Variants in OLA1 observed in about 807,000 individuals in gnomAD.
OLA1 encodes the protein obg-like ATPase 1.
Under a neutral mutation model 48.4 loss-of-function variants are expected in OLA1, and 14 were observed. The observed-to-expected ratio is 0.29, with a 90% confidence interval of 0.19 to 0.45. The LOEUF is 0.45. Ranked by LOEUF, OLA1 falls within the 20% of genes least tolerant of loss-of-function variation. OLA1 has a pLI of 1.00. For synonymous variants in OLA1, 127 were observed against 150.4 expected, an observed-to-expected ratio of 0.84 and a Z score of 1.14; for missense variants, 325 against 467.1, an observed-to-expected ratio of 0.70 and a Z score of 2.80.
At chr2:174,139,864 C>CAAAAAAAAAAAAAAAAAAAA (rs1162058790) in intron 5 of OLA1, among the ~76,000 whole-genome samples, 1 of 76,948 alleles carries the variant, frequency 1.3e-5, no homozygotes, top group African/African-American at 5.2e-5. Context: ...GACTCAGTCT[C>CAAAAAAAAAAAAAAAAAAAA]AAAAAAAAAA....
chr2:174,109,266 G>A (rs1160805043), intron 7 of OLA1, among the ~76,000 whole-genome samples: 1 of 151,978 alleles, frequency 6.6e-6, no homozygotes, highest in Non-Finnish European at 1.5e-5. Flanking sequence ...CCAAAATTAT[G>A]AAGCTGACAA....
chr2:174,171,929 C>T (rs1687312968), intron 4 of OLA1: 1 of 152,996 alleles, frequency 6.5e-6, no homozygotes, highest in Non-Finnish European at 1.5e-5. Context: ...GCCAGCCCAC[C>T]ACCACGGGCA....
chr2:174,173,028 A>C (rs931592025), intron 4 of OLA1, among the ~76,000 whole-genome samples: 11 of 152,148 alleles, frequency 7.2e-5, no homozygotes, highest in African/African-American at 2.7e-4. Flanking sequence ...CTGGGGCCTC[A>C]CCAGAAGCAG....
chr2:174,223,230 C>G, intron 3 of OLA1, 70 bp from the exon 4 acceptor site: 10 of 1,385,230 alleles, frequency 7.2e-6, no homozygotes, highest in Non-Finnish European at 1.0e-5. Flanking sequence ...ATGAATTCTC[C>G]AAACATTTCA....
chr2:174,073,806 A>G lies in OLA1; in HGVS notation c.*1620T>C, dbSNP rs966090617. The G allele has an allele frequency of 1.3e-5, 2 of 152,236 alleles. No individual in the cohort carries two copies. Among genetic ancestry groups the G allele is most frequent in the African/African-American group, 4.8e-5 (2 of 41,464 alleles). The allele number at this position is 152,236 out of a possible 1,614,324, so 9.4% of individuals were successfully genotyped here. A position where few individuals can be genotyped will look rare whatever the true frequency, so the allele number is the denominator to read the frequency against. On this transcript the variant is annotated 3_prime_UTR_variant, in exon 11 of 11. Transcript: ENST00000284719. ...CCACTAATCTACACATTACTCCAATACAGAAATAGATATAACAAGGATTTT... is the reference window on the plus strand; with the variant it reads ...CCACTAATCTACACATTACTCCAATGCAGAAATAGATATAACAAGGATTTT...
chr2:174,225,268 C>T (rs904460606), intron 3 of OLA1, among the ~76,000 whole-genome samples: 1 of 152,090 alleles, frequency 6.6e-6, no homozygotes. Flanking sequence ...AAAGCTGCCT[C>T]GTCCGGGTGC....
At chr2:174,138,573 G>C (rs1417311036) in intron 5 of OLA1, among the ~76,000 whole-genome samples, 1 of 152,190 alleles carries the variant, frequency 6.6e-6, no homozygotes, top group African/African-American at 2.4e-5. Flanking sequence ...AGCACATGCT[G>C]TTGGAAAAAT....
In OLA1 at chr2:174,118,993, G is replaced by A. The variant is rs1004319098; in HGVS notation, c.728+4187C>T. Among the ~76,000 whole-genome samples the A allele has an allele frequency of 1.1e-4, 17 of 150,600 alleles. 1 individual carries two copies. The highest frequency in any genetic ancestry group is 2.2e-4 in the Non-Finnish European group (15 of 67,724). ...CTCTCGATAAGAATATGAAATTGTCGAAAGAATATTCAAAACCCATTTAAT... is the reference window on the plus strand; with the variant it reads ...CTCTCGATAAGAATATGAAATTGTCAAAAGAATATTCAAAACCCATTTAAT... On this transcript the variant is annotated intron_variant, in intron 7 of 10. Transcript: ENST00000284719.
intron 7 of OLA1, among the ~76,000 whole-genome samples, chr2:174,087,615 A>G (rs1685013242): frequency 6.6e-6 from 1 of 152,174 alleles, no homozygotes; most frequent in African/African-American, 2.4e-5. Flanking sequence ...ACACATTATA[A>G]AGGGAACAGA....
In OLA1 at chr2:174,135,028, C is replaced by T. The variant is rs1048790131; in HGVS notation, c.549+6797G>A. Among the ~76,000 whole-genome samples the T allele has an allele frequency of 1.9e-4, 29 of 151,962 alleles. No individual in the cohort carries two copies. In the Middle Eastern group the frequency reaches 0.01, roughly 53 times the overall value. On this transcript the variant is annotated intron_variant, in intron 5 of 10. Transcript: ENST00000284719. The stretch of plus-strand genomic sequence containing the variant: ...TACAAAAATTAGCCAGGCATGGTGG[C>T]GGGCGCCTGTAGTCCCAGCTACTCA...
intron 4 of OLA1, among the ~76,000 whole-genome samples, chr2:174,154,082 G>C (rs980340465): frequency 1.3e-5 from 2 of 152,024 alleles, no homozygotes; most frequent in African/African-American, 4.8e-5. Flanking sequence ...TCTCGCCCAG[G>C]CTGATCTTGA....
In OLA1 at chr2:174,119,061, T is replaced by C. The variant is rs565501380; in HGVS notation, c.728+4119A>G. Among the ~76,000 whole-genome samples the C allele has an allele frequency of 5.3e-5, 8 of 150,700 alleles. No homozygotes were observed. In the South Asian group the frequency reaches 1.7e-3, roughly 32 times the overall value. On this transcript the variant is annotated intron_variant, in intron 7 of 10. Coordinates refer to ENST00000284719, the MANE Select transcript of OLA1 (RefSeq NM_013341.5). Reference sequence around the variant, plus strand: ...TCACAAATATTATTACATGTAAAAATATATTCAAATGCAAAAGTACATTTG... The same window carrying C: ...TCACAAATATTATTACATGTAAAAACATATTCAAATGCAAAAGTACATTTG...
chr2:174,129,111 T>C (rs531950493), intron 5 of OLA1, among the ~76,000 whole-genome samples: 1 of 152,010 alleles, frequency 6.6e-6, no homozygotes, highest in Non-Finnish European at 1.5e-5. Flanking sequence ...AACAAGAAAA[T>C]ACATGTAAAA....
chr2:174,204,856 C>T (rs1204610624), intron 4 of OLA1, among the ~76,000 whole-genome samples: 2 of 152,006 alleles, frequency 1.3e-5, no homozygotes, highest in African/African-American at 2.4e-5. Context: ...TTAAATTCTC[C>T]GAGAATCAGT....
At chr2:174,114,341 C>CAAAAAAAAAA (rs76471043) in intron 7 of OLA1, among the ~76,000 whole-genome samples, 19 of 60,646 alleles carry the variant, frequency 3.1e-4, no homozygotes, top group East Asian at 2.3e-3. Context: ...GACTCCGCCT[C>CAAAAAAAAAA]AAAAAAAAAA....
At chr2:174,178,162 TA>T (rs1310475377) in intron 4 of OLA1, among the ~76,000 whole-genome samples, 2 of 152,030 alleles carry the variant, frequency 1.3e-5, no homozygotes, top group Non-Finnish European at 2.9e-5. Context: ...TAAAAAGATA[TA>T]AATAAATGCT....
intron 7 of OLA1, among the ~76,000 whole-genome samples, chr2:174,089,338 C>T (rs984086434): frequency 6.6e-6 from 1 of 152,136 alleles, no homozygotes; most frequent in Non-Finnish European, 1.5e-5. Flanking sequence ...TGAAAATAAA[C>T]GCACATGAAC....
At chr2:174,207,741 T>C (rs1390132811) in intron 4 of OLA1, among the ~76,000 whole-genome samples, 1 of 150,674 alleles carries the variant, frequency 6.6e-6, no homozygotes, top group Admixed American at 6.6e-5. Flanking sequence ...TAGACTCTTT[T>C]AAGGAAAATA....
intron 4 of OLA1, among the ~76,000 whole-genome samples, chr2:174,151,503 C>G (rs1164705135): frequency 6.6e-6 from 1 of 152,098 alleles, no homozygotes; most frequent in African/African-American, 2.4e-5. Flanking sequence ...AGAGTCCCAC[C>G]ACAATCATTC....
Sources: allele counts gnomAD v4.1 joint callset (sites outside exome capture counted in the v4.1 genomes callset), GRCh38; gene constraint gnomAD v4.1.1; transcripts MANE v1.5; gene names NCBI Gene and HGNC (gene_info 2026-07-23, HGNC 2026-07-21).